Variants in EML2 observed in about 807,000 individuals in gnomAD.
EML2 encodes the protein EMAP like 2, also known as echinoderm microtubule-associated protein-like 2.
Under a neutral mutation model 84.7 loss-of-function variants are expected in EML2, and 59 were observed. The observed-to-expected ratio is 0.70, with a 90% CI of 0.56 to 0.86. EML2 has a LOEUF of 0.86. EML2 is among the 40% of genes least tolerant of loss of function. The pLI is 0.00. For synonymous variants in EML2, 352 were observed against 348.9 expected, an observed-to-expected ratio of 1.01 and a Z score of -0.10; for missense variants, 818 against 855.6, an observed-to-expected ratio of 0.96 and a Z score of 0.55.
At chr19:45,642,519 G>C (rs1233087309), upstream of EML2, 1 of 1,416,518 alleles carries the variant, frequency 7.1e-7, no homozygotes, top group South Asian at 1.6e-5. Context: ...GACTCTGAAG[G>C]GGGAAGGAAA....
intron 3 of EML2, 169 bp from the exon 4 acceptor site, chr19:45,634,640 C>A (rs1370214040): frequency 3.4e-6 from 1 of 296,644 alleles, no homozygotes; most frequent in African/African-American, 2.3e-5. Context: ...CAGCTCACTG[C>A]AAGCTCCGCC....
intron 7 of EML2, chr19:45,628,868 TA>T (rs998049045): frequency 3.3e-5 from 5 of 151,288 alleles, no homozygotes; most frequent in Non-Finnish European, 7.4e-5. Flanking sequence ...AATAAATAAA[TA>T]AATAGAACAA....
upstream of EML2, chr19:45,639,500 G>C (rs948513831): frequency 2.7e-5 from 28 of 1,039,182 alleles, no homozygotes; most frequent in Non-Finnish European, 3.3e-5. Flanking sequence ...CCCTGGAGCC[G>C]GAGGGTCCCA....
chr19:45,619,215 G>A (rs1971427266), intron 11 of EML2, 24 bp from the exon 12 acceptor site: 4 of 1,602,632 alleles, frequency 2.5e-6, no homozygotes, highest in African/African-American at 2.7e-5. Context: ...AGGACAGCAG[G>A]ATGGAGACAG....
intron 16 of EML2, among the ~76,000 whole-genome samples, chr19:45,615,538 A>G: frequency 6.8e-6 from 1 of 147,096 alleles, no homozygotes; most frequent in African/African-American, 2.5e-5. Context: ...TAATAATAAT[A>G]ATAATAATAA....
chr19:45,613,462 G>C, intron 18 of EML2, 79 bp downstream of exon 18: 1 of 1,545,402 alleles, frequency 6.5e-7, no homozygotes, highest in Non-Finnish European at 8.8e-7. Context: ...AAGGGGTGGG[G>C]TTGGACCAGA....
chr19:45,642,437 G>C (rs1369609183), upstream of EML2: 1 of 1,472,254 alleles, frequency 6.8e-7, no homozygotes, highest in Non-Finnish European at 9.0e-7. Flanking sequence ...GGGTCTAAGC[G>C]GGGGGCCAGC....
upstream of EML2, chr19:45,641,647 T>C (rs945151711): frequency 2.0e-6 from 3 of 1,536,040 alleles, no homozygotes; most frequent in Admixed American, 5.9e-5. Flanking sequence ...TTACCCTTCC[T>C]TTTTGGCGCT....
Position 45,615,905 on chromosome 19 carries a change from G to C in EML2, c.1510-16C>G. ...TGGAATGGCCCTGCGGGGGAGGGAA[G>C]GGATGGTGTTAGAGCTGCAGAGGGC... On this transcript the variant is annotated splice_polypyrimidine_tract_variant and intron_variant, in intron 15 of 18. Coordinates refer to ENST00000245925, the MANE Select transcript of EML2 (RefSeq NM_012155.4). 6.2e-7 allele frequency: 1 copy of C among 1,607,372 alleles called. No homozygotes were observed. Among genetic ancestry groups the C allele is most frequent in the East Asian group, 2.2e-5 (1 of 44,818 alleles).
intron 12 of EML2, among the ~76,000 whole-genome samples, chr19:45,618,631 A>G (rs1971351832): frequency 6.6e-6 from 1 of 151,840 alleles, no homozygotes; most frequent in Admixed American, 6.6e-5. Flanking sequence ...AGTTCCCTAG[A>G]TGAAACCCCC....
intron 12 of EML2, 119 bp downstream of exon 12, chr19:45,618,941 C>T (rs1247789879): frequency 5.9e-6 from 7 of 1,193,830 alleles, no homozygotes; most frequent in Middle Eastern, 2.7e-4. Flanking sequence ...AGCGAGACTC[C>T]ACCTCGAAGA....
intron 2 of EML2, 94 bp downstream of exon 2, chr19:45,638,750 CA>C: frequency 6.3e-7 from 1 of 1,592,446 alleles, no homozygotes; most frequent in Admixed American, 1.8e-5. Flanking sequence ...GCCAGAGAGG[CA>C]AAGACCCAGT....
At chr19:45,623,100 C>T (rs1177383963) in intron 9 of EML2, among the ~76,000 whole-genome samples, 4 of 150,620 alleles carry the variant, frequency 2.7e-5, no homozygotes, top group Non-Finnish European at 3.0e-5. Flanking sequence ...TGGCTGATGC[C>T]GATAATCGCA....
upstream of EML2, chr19:45,641,578 C>G (rs1417914553): frequency 6.7e-7 from 1 of 1,489,390 alleles, no homozygotes; most frequent in Non-Finnish European, 9.0e-7. Context: ...TGGGGCATGA[C>G]TACATTTCTC....
At chr19:45,639,075 G>A in intron 1 of EML2, 1 of 767,546 alleles carries the variant, frequency 1.3e-6, no homozygotes, top group Non-Finnish European at 2.3e-6. Context: ...CAGAGAGGCA[G>A]TGATCGCCAA....
At chr19:45,632,752 C>T (rs767791530) in intron 6 of EML2, 109 bp downstream of exon 6, 57 of 933,982 alleles carry the variant, frequency 6.1e-5, no homozygotes, top group Non-Finnish European at 9.3e-5. Flanking sequence ...GCGGGCCACG[C>T]CTCCAGCAGG....
rs1971129152 is a variant in EML2, at chr19:45,616,750, A to G, written c.1411+15T>C. The G allele has an allele frequency of 6.2e-7, 1 of 1,610,316 alleles. No homozygotes were observed. Among genetic ancestry groups the G allele is most frequent in the African/African-American group, 1.3e-5 (1 of 74,952 alleles). On this transcript the variant is annotated intron_variant, in intron 14 of 18. Transcript: ENST00000245925. ...CCTGGCCCTGCCGCTTGGGTGTCCCAGGCCTGCCGCTTACCTGGGGAGAAG... is the reference window on the plus strand; with the variant it reads ...CCTGGCCCTGCCGCTTGGGTGTCCCGGGCCTGCCGCTTACCTGGGGAGAAG...
At chr19:45,618,983 C>T in intron 12 of EML2, 77 bp downstream of exon 12, 1 of 1,408,570 alleles carries the variant, frequency 7.1e-7, no homozygotes. Flanking sequence ...TGGTTTCAGT[C>T]TAATGTGCTG....
Position 45,616,155 on chromosome 19 carries a change from G to A in EML2, c.1510-266C>T, listed in dbSNP as rs972475013. ...CAGGTGGGCAGGGCTAGACACGGAG[G>A]AGCTGGCTTTGAATGTTGAGGGGCG... On this transcript the variant is annotated intron_variant, in intron 15 of 18. Coordinates refer to ENST00000245925, the MANE Select transcript of EML2 (RefSeq NM_012155.4). 1.1e-5 allele frequency: 6 copies of A among 557,586 alleles called. No individual in the cohort carries two copies. The Admixed American group carries it at 1.5e-4, about 14-fold the overall frequency. The allele number at this position is 557,586 out of a possible 1,614,324, so 34.5% of individuals were successfully genotyped here. A position where few individuals can be genotyped will look rare whatever the true frequency, so the allele number is the denominator to read the frequency against.
Sources: allele counts gnomAD v4.1 joint callset (sites outside exome capture counted in the v4.1 genomes callset), GRCh38; gene constraint gnomAD v4.1.1; transcripts MANE v1.5; gene names NCBI Gene and HGNC (gene_info 2026-07-23, HGNC 2026-07-21).